The following AHCYL1 variants were observed in gnomAD, a reference collection of about 807,000 sequenced individuals.
AHCYL1 encodes the protein adenosylhomocysteinase like 1.
In AHCYL1, 20 loss-of-function variants were observed where a neutral mutation model predicts 79.3. That is an observed-to-expected ratio of 0.25 (90% CI 0.18 to 0.37). The LOEUF (loss-of-function observed/expected upper bound fraction) is 0.37, where lower values mean the gene tolerates loss of function less well. Ranked by LOEUF, AHCYL1 falls within the 10% of genes least tolerant of loss-of-function variation. The pLI, the probability that AHCYL1 is intolerant of heterozygous loss-of-function variation, is 1.00. For synonymous variants in AHCYL1, 223 were observed against 242.2 expected (o/e 0.92, Z 0.74); for missense variants, 330 against 673.6 (o/e 0.49, Z 5.65).
chr1:109,985,106 G>A lies in AHCYL1; in HGVS notation c.54G>A (p.Gln18=), dbSNP rs1366081081. 2 of 1,611,564 alleles carry A rather than the reference G, an allele frequency of 1.2e-6. No individual in the cohort carries two copies. The highest frequency in any genetic ancestry group is 1.7e-5 in the Admixed American group (1 of 59,924). ...CCGGGGTCGGGGAGGAGCTGAAGCA[G>A]GCCAAGGAGATCGAGGACGCCGAGA... The part of the protein sequence containing the change: ...PLPGVGEELK[Q]AKEIEDAEKY... The change falls in exon 1 of 17, where the codon CAG becomes CAA. Residue 18 remains glutamine (Q), a synonymous_variant. Coordinates refer to ENST00000369799, the MANE Select transcript of AHCYL1 (RefSeq NM_006621.7).
chr1:109,990,290 A>G (rs1379567986), intron 1 of AHCYL1, among the ~76,000 whole-genome samples: 1 of 152,222 alleles, frequency 6.6e-6, no homozygotes, highest in Non-Finnish European at 1.5e-5. Flanking sequence ...AGTGCTATCT[A>G]TATACATGGT....
chr1:109,987,042 A>T (rs531927956), intron 1 of AHCYL1, among the ~76,000 whole-genome samples: 1 of 152,328 alleles, frequency 6.6e-6, no homozygotes, highest in South Asian at 2.1e-4. Context: ...CCCTGTTTTA[A>T]GTTTCCATTT....
In AHCYL1 at chr1:110,018,400, A is replaced by G; in HGVS notation, c.1151A>G (p.His384Arg). 6.2e-7 allele frequency: 1 copy of G among 1,614,196 alleles called. No homozygotes were observed. Among genetic ancestry groups the G allele is most frequent in the Non-Finnish European group, 8.5e-7 (1 of 1,180,030 alleles). The change falls in exon 12 of 17, where the codon CAC becomes CGC. Residue 384 changes from histidine to arginine, a missense_variant. Transcript: ENST00000369799. ...AATAAGAATGTAGTGACACGGGAGC[A>G]CTTGGATCGCATGAAAAACAGTTGT... Reference protein sequence around the residue: ...TGNKNVVTREHLDRMKNSCIV... With the variant: ...TGNKNVVTRERLDRMKNSCIV...
Position 110,009,055 on chromosome 1 carries a change from A to T in AHCYL1, c.142A>T (p.Met48Leu). The T allele has an allele frequency of 6.2e-7, 1 of 1,613,854 alleles. No individual in the cohort carries two copies. The highest frequency in any genetic ancestry group is 8.5e-7 in the Non-Finnish European group (1 of 1,179,806). The change falls in exon 2 of 17, where the codon ATG becomes TTG. Residue 48 changes from methionine to leucine, a missense_variant. Around this residue, in one of 6 missense-constraint regions of AHCYL1, gnomAD observed 66 missense variants for 68.0 expected, o/e 0.97. Transcript: ENST00000369799. The stretch of plus-strand genomic sequence containing the variant: ...ATAGCAAATCCAGTTTGCTGATGAC[A>T]TGCAGGAGTTCACCAAATTCCCCAC... ...PKKQIQFADD[M>L]QEFTKFPTKT...
In AHCYL1 at chr1:110,000,684, C is replaced by T. The variant is rs1259939052; in HGVS notation, c.121-8350C>T. ...GAAATAAAGGGGAAAGCTGCTGTTT[C>T]CCCAGCCTATTCCAAAAGAAGGAAA... On this transcript the variant is annotated intron_variant, in intron 1 of 16. Coordinates refer to ENST00000369799, the MANE Select transcript of AHCYL1 (RefSeq NM_006621.7). Among the ~76,000 whole-genome samples, 3 of 152,006 alleles carry T rather than the reference C, an allele frequency of 2.0e-5. No homozygotes were observed. The East Asian group carries it at 5.8e-4, about 29-fold the overall frequency.
At chr1:109,992,108 C>A (rs982548942) in intron 1 of AHCYL1, among the ~76,000 whole-genome samples, 68 of 151,922 alleles carry the variant, frequency 4.5e-4, no homozygotes, top group African/African-American at 1.6e-3. Flanking sequence ...AGAGACCTAC[C>A]ATAAAAGTTA....
intron 1 of AHCYL1, among the ~76,000 whole-genome samples, chr1:109,998,885 A>C (rs1044164447): frequency 1.3e-5 from 2 of 152,144 alleles, no homozygotes; most frequent in African/African-American, 4.8e-5. Flanking sequence ...ATGTATTTGG[A>C]CCAGGAGTGA....
At chr1:110,010,989 G>T (rs182475023) in intron 2 of AHCYL1, among the ~76,000 whole-genome samples, 2 of 152,306 alleles carry the variant, frequency 1.3e-5, no homozygotes, top group Admixed American at 1.3e-4. Flanking sequence ...TAATAGCACA[G>T]TATTGTTAGG....
In AHCYL1 at chr1:110,019,407, TTAGTA is replaced by T. The variant is rs1651644092; in HGVS notation, c.1387-137_1387-133del. The T allele has an allele frequency of 1.0e-5, 8 of 788,088 alleles. No homozygotes were observed. In the South Asian group the frequency reaches 1.4e-4, roughly 13 times the overall value. 48.8% of individuals were successfully genotyped at this position (788,088 alleles called of 1,614,324 possible). The stretch of plus-strand genomic sequence containing the variant: ...ATCCTCTTAGGATGTGTGCTGCCCT[TTAGTA>T]TAGGCAAAGTCCTAGGTACTGTGAC... On this transcript the variant is annotated intron_variant, in intron 14 of 16. Transcript: ENST00000369799.
intron 1 of AHCYL1, among the ~76,000 whole-genome samples, chr1:109,988,097 G>A (rs1489095611): frequency 6.6e-6 from 1 of 152,220 alleles, no homozygotes; most frequent in East Asian, 1.9e-4. Flanking sequence ...TAAGATAGTT[G>A]ATGAGGTTGA....
chr1:109,990,428 G>A (rs1012817818), intron 1 of AHCYL1, among the ~76,000 whole-genome samples: 1 of 152,128 alleles, frequency 6.6e-6, no homozygotes, highest in African/African-American at 2.4e-5. Context: ...TCCAAGGAGT[G>A]CCTCCGTAGC....
chr1:110,000,128 A>G (rs1388987696), intron 1 of AHCYL1, among the ~76,000 whole-genome samples: 1 of 152,248 alleles, frequency 6.6e-6, no homozygotes, highest in Non-Finnish European at 1.5e-5. Context: ...TCTCTGTTGC[A>G]TGTTTTAGAA....
chr1:110,001,518 A>T (rs183220824), intron 1 of AHCYL1, among the ~76,000 whole-genome samples: 1 of 152,164 alleles, frequency 6.6e-6, no homozygotes, highest in Admixed American at 6.6e-5. Flanking sequence ...AGCCTATACT[A>T]GTTGGTTCTT....
chr1:110,004,206 C>T (rs979785790), intron 1 of AHCYL1: 29 of 985,388 alleles, frequency 2.9e-5, no homozygotes, highest in Non-Finnish European at 3.3e-5. Flanking sequence ...AGGCGGGAGT[C>T]GGCGGGGGAA....
chr1:109,985,421 A>G, intron 1 of AHCYL1: 2 of 1,220,110 alleles, frequency 1.6e-6, no homozygotes, highest in Non-Finnish European at 2.1e-6. Flanking sequence ...CCAGGCCTTA[A>G]ATTTGCGACT....
At chr1:110,011,417 CACAA>C in intron 3 of AHCYL1, 60 bp downstream of exon 3, 1 of 1,595,264 alleles carries the variant, frequency 6.3e-7, no homozygotes, top group Non-Finnish European at 8.5e-7. Context: ...CATCAGAATC[CACAA>C]ACAACTTAAG....
intron 1 of AHCYL1, chr1:109,995,755 C>T: frequency 1.1e-6 from 1 of 909,574 alleles, no homozygotes; most frequent in Non-Finnish European, 1.3e-6. Context: ...TGGCTCTAAA[C>T]TAGAGCTGTG....
At chr1:110,000,684 C>G (rs1259939052) in intron 1 of AHCYL1, among the ~76,000 whole-genome samples, 1 of 152,006 alleles carries the variant, frequency 6.6e-6, no homozygotes, top group African/African-American at 2.4e-5. Context: ...GCTGCTGTTT[C>G]CCCAGCCTAT....
chr1:110,017,423 CAAAT>C (rs1012858597), intron 9 of AHCYL1, 68 bp from the exon 10 acceptor site: 79 of 1,450,804 alleles, frequency 5.4e-5, no homozygotes, highest in Non-Finnish European at 6.9e-5. Context: ...TCCTGTCTCA[CAAAT>C]AACCTACCTA....
Sources: allele counts gnomAD v4.1 joint callset (sites outside exome capture counted in the v4.1 genomes callset), GRCh38; gene constraint gnomAD v4.1.1; regional missense constraint gnomAD v4.1.1; transcripts MANE v1.5; gene names NCBI Gene and HGNC (gene_info 2026-07-23, HGNC 2026-07-21).